CFAP46: variants seen among roughly 807,000 people sequenced by gnomAD.
CFAP46 encodes the protein cilia and flagella associated protein 46.
Under a neutral mutation model 325.7 loss-of-function variants are expected in CFAP46, and 245 were observed. The observed-to-expected ratio is 0.75, with a 90% CI of 0.68 to 0.84. The LOEUF is 0.84. Among genes scored for constraint, CFAP46 ranks in the 40% least tolerant of loss-of-function variants. The pLI is 0.00. For synonymous variants in CFAP46, 1,523 were observed against 1,495.9 expected (o/e 1.02, Z -0.42); for missense variants, 3,346 against 3,543.0 (o/e 0.94, Z 1.41).
intron 39 of CFAP46, among the ~76,000 whole-genome samples, chr10:132,854,340 G>T (rs552373757): frequency 2.5e-3 from 380 of 152,038 alleles, no homozygotes; most frequent in Non-Finnish European, 4.0e-3. Context: ...GTTTTGTTTT[G>T]TTTTGTTTTG....
chr10:132,873,770 C>G (rs953442609), intron 31 of CFAP46, among the ~76,000 whole-genome samples: 1 of 152,136 alleles, frequency 6.6e-6, no homozygotes, highest in Non-Finnish European at 1.5e-5. Flanking sequence ...ATTGATCACT[C>G]CCAGTGAGGC....
chr10:132,934,182 T>G (rs1849956006), intron 8 of CFAP46, among the ~76,000 whole-genome samples: 2 of 152,218 alleles, frequency 1.3e-5, no homozygotes, highest in Non-Finnish European at 2.9e-5. Context: ...TTTACTTGTT[T>G]CCCATTTTCT....
chr10:132,879,741 G>T, intron 28 of CFAP46, 110 bp from the exon 29 acceptor site: 1 of 1,120,622 alleles, frequency 8.9e-7, no homozygotes, highest in South Asian at 1.7e-5. Context: ...GTGCCTCGCG[G>T]ACACCCGGTG....
intron 8 of CFAP46, among the ~76,000 whole-genome samples, chr10:132,933,647 C>A (rs527553324): frequency 6.6e-6 from 1 of 152,380 alleles, no homozygotes. Flanking sequence ...ACCCTGCGGT[C>A]CTGGGGCCCC....
At chr10:132,830,147 T>C (rs1319328941) in intron 50 of CFAP46, among the ~76,000 whole-genome samples, 2 of 151,446 alleles carry the variant, frequency 1.3e-5, no homozygotes, top group Non-Finnish European at 2.9e-5. Context: ...TTTCTTTTCT[T>C]TTTTCTTTTT....
intron 44 of CFAP46, 143 bp downstream of exon 44, chr10:132,845,914 G>C: frequency 1.1e-6 from 1 of 929,366 alleles, no homozygotes; most frequent in Non-Finnish European, 1.6e-6. Context: ...AGGTGCACAT[G>C]GCTGGGGGCA....
intron 33 of CFAP46, among the ~76,000 whole-genome samples, chr10:132,868,336 C>G (rs192892044): frequency 6.6e-6 from 1 of 152,378 alleles, no homozygotes; most frequent in African/African-American, 2.4e-5. Flanking sequence ...TCCTTTGCTC[C>G]AAAGTTATTT....
chr10:132,926,277 G>C (rs1228250856), intron 10 of CFAP46, among the ~76,000 whole-genome samples: 1 of 152,178 alleles, frequency 6.6e-6, no homozygotes, highest in Non-Finnish European at 1.5e-5. Context: ...ACGGCGGGGA[G>C]GGGGCAGCTC....
Position 132,899,166 on chromosome 10 carries a change from C to T in CFAP46, c.3057-45G>A, listed in dbSNP as rs1244383370. ...GACGCGGTGGCTCCACCTGGGCCCA[C>T]CTGGAGCTGCTGGACCAGGAGGGAC... On this transcript the variant is annotated intron_variant, in intron 23 of 57. Transcript: ENST00000368586. The T allele has an allele frequency of 3.9e-6, 6 of 1,523,168 alleles. No individual in the cohort carries two copies. In the African/African-American group the frequency reaches 4.1e-5, roughly 11 times the overall value. The allele number at this position is 1,523,168 out of a possible 1,614,324, so 94.4% of individuals were successfully genotyped here. A position where few individuals can be genotyped will look rare whatever the true frequency, so the allele number is the denominator to read the frequency against.
chr10:132,864,202 C>CA (rs879851387), intron 35 of CFAP46, among the ~76,000 whole-genome samples: 5 of 138,104 alleles, frequency 3.6e-5, no homozygotes, highest in East Asian at 2.2e-4. Context: ...CACATGTCCC[C>CA]CGCCTGAGAC....
Position 132,818,313 on chromosome 10 carries a change from G to T in CFAP46, c.7118-3399C>A, listed in dbSNP as rs546316394. On this transcript the variant is annotated intron_variant, in intron 50 of 57. Transcript: ENST00000368586. ...CACTCCACAGAGTCCATCTCGGATG[G>T]CAGTTAGGTGGAAACGTGAAAGGTG... Among the ~76,000 whole-genome samples the T allele has an allele frequency of 2.6e-5, 4 of 152,168 alleles. No individual in the cohort carries two copies. The South Asian group carries it at 8.3e-4, about 32-fold the overall frequency.
chr10:132,813,856 C>T (rs568415663), intron 54 of CFAP46, among the ~76,000 whole-genome samples: 21 of 152,350 alleles, frequency 1.4e-4, no homozygotes, highest in East Asian at 5.8e-4. Context: ...GCAGAGTCTG[C>T]GAGTGGTCTC....
At chr10:132,846,911 G>A in intron 43 of CFAP46, 21 bp downstream of exon 43, 1 of 1,595,950 alleles carries the variant, frequency 6.3e-7, no homozygotes, top group Non-Finnish European at 8.5e-7. Context: ...CTGGCTGGAG[G>A]TGGGCAGGGC....
chr10:132,821,332 ATGTGTGC>A (rs1565035196), intron 50 of CFAP46, among the ~76,000 whole-genome samples: 1 of 77,018 alleles, frequency 1.3e-5, no homozygotes, highest in Non-Finnish European at 2.4e-5. Context: ...GTGAGTGCTG[ATGTGTGC>A]TGTGTGCTGA....
intron 18 of CFAP46, 112 bp downstream of exon 18, chr10:132,912,934 C>A: frequency 6.7e-7 from 1 of 1,485,444 alleles, no homozygotes; most frequent in East Asian, 2.5e-5. Flanking sequence ...TGCCCACGAC[C>A]CTCCTCTGCT....
chr10:132,879,861 C>G (rs1350237688), intron 28 of CFAP46, among the ~76,000 whole-genome samples: 1 of 152,166 alleles, frequency 6.6e-6, no homozygotes, highest in Non-Finnish European at 1.5e-5. Context: ...CCAGTCTCAG[C>G]TCCAGCCCCA....
intron 50 of CFAP46, among the ~76,000 whole-genome samples, chr10:132,824,456 TGTG>T (rs1847987782): frequency 8.0e-6 from 1 of 125,666 alleles, no homozygotes; most frequent in Non-Finnish European, 1.7e-5. Flanking sequence ...ATGTGTGCTG[TGTG>T]CTGATGTGTG....
intron 17 of CFAP46, among the ~76,000 whole-genome samples, chr10:132,915,156 G>T (rs1849617134): frequency 6.6e-6 from 1 of 152,272 alleles, no homozygotes; most frequent in Non-Finnish European, 1.5e-5. Context: ...AAATTTAAAA[G>T]TGTCAAAGCC....
At position 132,941,763 on chromosome 10, in the gene CFAP46, G is replaced by A. The variant is rs748637937; in HGVS notation, c.175-41C>T. On this transcript the variant is annotated intron_variant, in intron 2 of 57. Transcript: ENST00000368586. ...ACCACAGAAGATCACAGACCCGGAG[G>A]GGTGGCCTCCCTGCCCAGAAGCACC... is the stretch of plus-strand genomic sequence containing the variant. The A allele has an allele frequency of 2.1e-5, 34 of 1,611,296 alleles. 1 individual carries two copies. The South Asian group carries it at 3.7e-4, about 18-fold the overall frequency.
Sources: allele counts gnomAD v4.1 joint callset (sites outside exome capture counted in the v4.1 genomes callset), GRCh38; gene constraint gnomAD v4.1.1; transcripts MANE v1.5; gene names NCBI Gene and HGNC (gene_info 2026-07-23, HGNC 2026-07-21).